Variants in CDYL observed in about 807,000 individuals in gnomAD.
CDYL encodes the protein chromodomain Y-like protein.
Under a neutral mutation model 47.3 loss-of-function variants are expected in CDYL, and 8 were observed. The ratio of observed to expected loss-of-function variants is 0.17; its 90% CI spans 0.10 to 0.31. The LOEUF (loss-of-function observed/expected upper bound fraction) is 0.31, where lower values mean the gene tolerates loss of function less well. Ranked by LOEUF, CDYL falls within the 10% of genes least tolerant of loss-of-function variation. CDYL has a pLI of 1.00. For missense variants in CDYL, 471 were observed against 701.4 expected (o/e 0.67, Z 3.71); for synonymous variants, 266 against 265.0 (o/e 1.00, Z -0.04).
At chr6:4,882,058 G>A (rs968005701) in intron 1 of CDYL, among the ~76,000 whole-genome samples, 2 of 152,168 alleles carry the variant, frequency 1.3e-5, no homozygotes, top group South Asian at 2.1e-4. Context: ...TCCATTGCAC[G>A]CAGAGGTGTC....
At chr6:4,934,533 T>G (rs1758129963) in intron 2 of CDYL, among the ~76,000 whole-genome samples, 1 of 152,240 alleles carries the variant, frequency 6.6e-6, no homozygotes, top group Non-Finnish European at 1.5e-5. Context: ...CTCAGAGAAC[T>G]TCTGCCATTG....
chr6:4,830,561 T>C (rs1015147310), intron 1 of CDYL, among the ~76,000 whole-genome samples: 9 of 152,174 alleles, frequency 5.9e-5, no homozygotes, highest in African/African-American at 1.7e-4. Context: ...AAATATGTTA[T>C]TCATAAGGCT....
At chr6:4,763,717 C>A (rs536001668) in intron 3 of CDYL, among the ~76,000 whole-genome samples, 1 of 152,100 alleles carries the variant, frequency 6.6e-6, no homozygotes, top group Non-Finnish European at 1.5e-5. Context: ...CCAACATGGG[C>A]GGATCACTTG....
chr6:4,756,947 C>T (rs949357175), intron 3 of CDYL, among the ~76,000 whole-genome samples: 3 of 152,118 alleles, frequency 2.0e-5, no homozygotes, highest in African/African-American at 7.2e-5. Flanking sequence ...CAATCCCTGC[C>T]ATCCATGTAT....
intron 1 of CDYL, among the ~76,000 whole-genome samples, chr6:4,792,125 C>T (rs2127435201): frequency 1.3e-5 from 2 of 151,492 alleles, no homozygotes; most frequent in South Asian, 4.2e-4. Flanking sequence ...ATCTCCTGAC[C>T]TCGTGATCCA....
chr6:4,825,905 C>G (rs1271355343), intron 1 of CDYL, among the ~76,000 whole-genome samples: 4 of 151,752 alleles, frequency 2.6e-5, no homozygotes, highest in Admixed American at 2.6e-4. Context: ...CTGAGACTGC[C>G]CATAACAACA....
intron 2 of CDYL, among the ~76,000 whole-genome samples, chr6:4,723,508 GGCTA>G (rs1757413463): frequency 6.6e-6 from 1 of 152,090 alleles, no homozygotes; most frequent in South Asian, 2.1e-4. Flanking sequence ...AAGCATCCTG[GGCTA>G]GCAAGAGTGG....
At chr6:4,901,570 A>G (rs1757054739) in intron 2 of CDYL, among the ~76,000 whole-genome samples, 1 of 152,188 alleles carries the variant, frequency 6.6e-6, no homozygotes, top group Non-Finnish European at 1.5e-5. Context: ...CTTGTGAAAG[A>G]GAGTGATTTG....
chr6:4,717,513 A>G (rs1757287036), intron 2 of CDYL, among the ~76,000 whole-genome samples: 1 of 151,712 alleles, frequency 6.6e-6, no homozygotes, highest in Admixed American at 6.6e-5. Flanking sequence ...CCTGGCCAAC[A>G]ATGTGAGGCT....
intron 2 of CDYL, among the ~76,000 whole-genome samples, chr6:4,719,099 ATT>A (rs1384563325): frequency 1.3e-5 from 2 of 152,004 alleles, no homozygotes; most frequent in South Asian, 4.2e-4. Context: ...AATTTTTTGT[ATT>A]TTTAGTAGAG....
intron 1 of CDYL, among the ~76,000 whole-genome samples, chr6:4,882,035 T>C (rs1761777348): frequency 6.6e-6 from 1 of 152,196 alleles, no homozygotes; most frequent in African/African-American, 2.4e-5. Flanking sequence ...AGGGTTCTGC[T>C]CCTGTGACAT....
At chr6:4,871,437 G>A (rs1411806394) in intron 1 of CDYL, among the ~76,000 whole-genome samples, 11 of 152,274 alleles carry the variant, frequency 7.2e-5, no homozygotes, top group African/African-American at 1.7e-4. Context: ...TGTTCAACCC[G>A]TACTATATCC....
At chr6:4,807,531 C>A (rs1183510572) in intron 1 of CDYL, among the ~76,000 whole-genome samples, 1 of 145,718 alleles carries the variant, frequency 6.9e-6, no homozygotes, top group Non-Finnish European at 1.5e-5. Flanking sequence ...TCCACATTTG[C>A]TAATTGGAGT....
In CDYL at chr6:4,954,568, C is replaced by T. The variant is rs999451636; in HGVS notation, c.*512C>T. On this transcript the variant is annotated 3_prime_UTR_variant, in exon 7 of 7. Transcript: ENST00000397588. ...CAAGAAGGTACAGATACCTCAGATT[C>T]GGGAAACTCAAAATCAAAAGACTTA... 3.3e-5 allele frequency: 5 copies of T among 152,742 alleles called. No homozygotes were observed. Among genetic ancestry groups the T allele is most frequent in the South Asian group, 2.1e-4 (1 of 4,828 alleles). 9.5% of individuals were successfully genotyped at this position (152,742 alleles called of 1,614,324 possible).
intron 2 of CDYL, among the ~76,000 whole-genome samples, chr6:4,732,297 C>G (rs539705938): frequency 6.6e-6 from 1 of 151,730 alleles, no homozygotes; most frequent in Non-Finnish European, 1.5e-5. Flanking sequence ...ATTGTGCCAC[C>G]GCACCCCAGC....
At chr6:4,728,590 T>G (rs1757553836) in intron 2 of CDYL, among the ~76,000 whole-genome samples, 1 of 152,150 alleles carries the variant, frequency 6.6e-6, no homozygotes, top group Non-Finnish European at 1.5e-5. Context: ...AAGGACAGAT[T>G]CCCCTGCACA....
intron 2 of CDYL, among the ~76,000 whole-genome samples, chr6:4,894,632 T>C (rs1185375751): frequency 6.6e-6 from 1 of 152,190 alleles, no homozygotes; most frequent in Non-Finnish European, 1.5e-5. Context: ...GTATTTTTAG[T>C]AGAGACAGGG....
chr6:4,724,035 T>A (rs535506359), intron 2 of CDYL, among the ~76,000 whole-genome samples: 1 of 152,152 alleles, frequency 6.6e-6, no homozygotes, highest in Non-Finnish European at 1.5e-5. Flanking sequence ...CCTGCATCTG[T>A]CCCCTCACTT....
chr6:4,929,566 T>G (rs769926831), intron 2 of CDYL, among the ~76,000 whole-genome samples: 1 of 150,810 alleles, frequency 6.6e-6, no homozygotes, highest in East Asian at 2.0e-4. Context: ...ATTACACATA[T>G]GCTAGACTGC....
Sources: gnomAD v4.1 joint callset for allele counts (sites outside exome capture counted in the v4.1 genomes callset) on GRCh38, gnomAD v4.1.1 for gene constraint, MANE v1.5 for transcripts, NCBI Gene and HGNC (gene_info 2026-07-23, HGNC 2026-07-21) for gene names.